The following NIPAL2 variants were observed in gnomAD, a reference collection of about 807,000 sequenced individuals.
NIPAL2 encodes NIPA-like protein 2.
NIPAL2 carries 43 observed loss-of-function variants against 48.9 expected under a neutral mutation model. That is an observed-to-expected ratio of 0.88 (90% CI 0.69 to 1.13). NIPAL2 has a LOEUF of 1.13. Among genes scored for constraint, NIPAL2 ranks in the 50% most tolerant of loss-of-function variants. The pLI is 0.00. For missense variants in NIPAL2, 446 were observed against 461.4 expected, an observed-to-expected ratio of 0.97 and a Z score of 0.31; for synonymous variants, 167 against 174.6, an observed-to-expected ratio of 0.96 and a Z score of 0.34.
intron 1 of NIPAL2, among the ~76,000 whole-genome samples, chr8:98,283,776 T>C (rs531553255): frequency 2.4e-4 from 36 of 152,250 alleles, no homozygotes; most frequent in African/African-American, 8.7e-4. Context: ...ACTCCAACAG[T>C]ATTTTGTCAG....
intron 3 of NIPAL2, among the ~76,000 whole-genome samples, chr8:98,240,589 T>C (rs998228204): frequency 7.2e-5 from 11 of 152,142 alleles, no homozygotes; most frequent in African/African-American, 2.4e-4. Context: ...GGCCGATATA[T>C]AAAATTTGCA....
rs189450144 is a variant in NIPAL2, at chr8:98,197,625, A to G, written c.881-1620T>C. Among the ~76,000 whole-genome samples the G allele has an allele frequency of 2.1e-4, 32 of 152,364 alleles. 1 individual carries two copies. Among genetic ancestry groups the G allele is most frequent in the Non-Finnish European group, 3.8e-4 (26 of 68,036 alleles). ...CTCGAACACAGCTGCTGCTTTATCAACTAAGTTACTGAAATATTCTAAATC... is the reference window on the plus strand; with the variant it reads ...CTCGAACACAGCTGCTGCTTTATCAGCTAAGTTACTGAAATATTCTAAATC... On this transcript the variant is annotated intron_variant, in intron 8 of 10. Transcript: ENST00000430223.
intron 3 of NIPAL2, among the ~76,000 whole-genome samples, chr8:98,249,720 A>G (rs1276160799): frequency 6.8e-6 from 1 of 147,462 alleles, no homozygotes; most frequent in African/African-American, 2.5e-5. Context: ...ATTAAACATA[A>G]TCAATAAAAT....
chr8:98,247,929 T>C (rs1277660441), intron 3 of NIPAL2, among the ~76,000 whole-genome samples: 1 of 152,218 alleles, frequency 6.6e-6, no homozygotes, highest in East Asian at 1.9e-4. Context: ...AAATCACAGT[T>C]GATCTGAAAG....
intron 4 of NIPAL2, among the ~76,000 whole-genome samples, chr8:98,230,834 A>T (rs1812405535): frequency 6.6e-6 from 1 of 152,198 alleles, no homozygotes; most frequent in African/African-American, 2.4e-5. Context: ...CACAACAGAT[A>T]TCCTGGTTCC....
At chr8:98,273,711 T>G (rs1178485020) in intron 1 of NIPAL2, among the ~76,000 whole-genome samples, 12 of 152,112 alleles carry the variant, frequency 7.9e-5, no homozygotes. Flanking sequence ...CCTTAGATTT[T>G]TATTATCTTT....
intron 5 of NIPAL2, among the ~76,000 whole-genome samples, chr8:98,221,859 T>C (rs949142716): frequency 4.6e-5 from 7 of 152,212 alleles, no homozygotes; most frequent in Non-Finnish European, 1.0e-4. Context: ...GTTCAACCGT[T>C]GTGGAAGACA....
Position 98,195,962 on chromosome 8 carries a change from A to T in NIPAL2, c.924T>A (p.Thr308=), listed in dbSNP as rs3779721. 9 of 1,579,994 alleles carry T rather than the reference A, an allele frequency of 5.7e-6. No individual in the cohort carries two copies. Among genetic ancestry groups the T allele is most frequent in the Non-Finnish European group, 7.8e-6 (9 of 1,153,830 alleles). ...CTCACCCAAAAAGATATATAAATAC[A>T]GTGAGAAAAGGAGCACCAAGGAATT... ...YQEFLGAPFL[T]VFIYLFGCFL... The change falls in exon 9 of 11, where the codon ACT becomes ACA. Residue 308 remains threonine, a synonymous_variant. Coordinates refer to ENST00000430223, the MANE Select transcript of NIPAL2 (RefSeq NM_001321635.2).
chr8:98,251,722 T>C (rs1243818899), intron 3 of NIPAL2: 1 of 152,238 alleles, frequency 6.6e-6, no homozygotes, highest in East Asian at 1.9e-4. Flanking sequence ...ACATGTGATA[T>C]GCTTGATCTA....
chr8:98,267,327 CT>C (rs761954109), intron 1 of NIPAL2, among the ~76,000 whole-genome samples: 1,079 of 140,464 alleles, frequency 7.7e-3, no homozygotes, highest in African/African-American at 0.014. Context: ...TTCTATTTTC[CT>C]TTTTTTTTTT....
At chr8:98,289,408 C>G (rs1337812023) in intron 1 of NIPAL2, among the ~76,000 whole-genome samples, 1 of 152,068 alleles carries the variant, frequency 6.6e-6, no homozygotes, top group Non-Finnish European at 1.5e-5. Context: ...AACTCAGTTC[C>G]TCTAACAAGG....
intron 4 of NIPAL2, among the ~76,000 whole-genome samples, chr8:98,223,266 C>T (rs767512755): frequency 3.3e-5 from 5 of 152,034 alleles, no homozygotes; most frequent in Admixed American, 6.6e-5. Context: ...ATAGAAACCA[C>T]GTCATAAACC....
At chr8:98,222,980 C>T (rs577014743) in intron 4 of NIPAL2, among the ~76,000 whole-genome samples, 2 of 152,298 alleles carry the variant, frequency 1.3e-5, no homozygotes, top group East Asian at 1.9e-4. Context: ...GATCTAGACA[C>T]ATCTAGATCT....
chr8:98,236,230 C>A lies in NIPAL2; in HGVS notation c.377-16G>T. 1 of 1,570,668 alleles carries A rather than the reference C, an allele frequency of 6.4e-7. No individual in the cohort carries two copies. Among genetic ancestry groups the A allele is most frequent in the Non-Finnish European group, 8.7e-7 (1 of 1,150,904 alleles). On this transcript the variant is annotated splice_polypyrimidine_tract_variant and intron_variant, in intron 3 of 10. Transcript: ENST00000430223. The stretch of plus-strand genomic sequence containing the variant: ...ATGGCACTACCTATAAAGAAAATGG[C>A]CATTAGTGGTAGTTCCAATATAAAA...
intron 1 of NIPAL2, among the ~76,000 whole-genome samples, chr8:98,285,215 C>T (rs1044071552): frequency 1.3e-5 from 2 of 152,050 alleles, no homozygotes; most frequent in Non-Finnish European, 2.9e-5. Flanking sequence ...TGGTGTTAGC[C>T]CAAGGGTGTC....
At chr8:98,205,688 GAAAGT>G (rs1810999678) in intron 6 of NIPAL2, among the ~76,000 whole-genome samples, 1 of 152,146 alleles carries the variant, frequency 6.6e-6, no homozygotes, top group African/African-American at 2.4e-5. Context: ...GAGAAGACTG[GAAAGT>G]GAAATGCAAC....
intron 1 of NIPAL2, among the ~76,000 whole-genome samples, chr8:98,268,306 C>A (rs930438714): frequency 1.1e-4 from 16 of 151,740 alleles, no homozygotes. Flanking sequence ...GGTGGCAGGT[C>A]CAATAATTAC....
chr8:98,246,771 T>C (rs1040531486), intron 3 of NIPAL2, among the ~76,000 whole-genome samples: 3 of 152,194 alleles, frequency 2.0e-5, no homozygotes, highest in African/African-American at 4.8e-5. Flanking sequence ...GGCATAGAAC[T>C]GAAAAATGTC....
chr8:98,207,232 A>G (rs1303200496), intron 6 of NIPAL2, among the ~76,000 whole-genome samples: 3 of 152,252 alleles, frequency 2.0e-5, no homozygotes, highest in Non-Finnish European at 4.4e-5. Context: ...CTGATTTTAT[A>G]TTATACTTAA....
Sources: allele counts gnomAD v4.1 joint callset (sites outside exome capture counted in the v4.1 genomes callset), GRCh38; gene constraint gnomAD v4.1.1; transcripts MANE v1.5; gene names NCBI Gene and HGNC (gene_info 2026-07-23, HGNC 2026-07-21).